CCDC60: variants seen among roughly 807,000 people sequenced by gnomAD.
The protein encoded by CCDC60 is coiled-coil domain containing 60.
CCDC60 carries 54 observed loss-of-function variants against 63.5 expected under a neutral mutation model. The observed-to-expected ratio is 0.85, with a 90% CI of 0.68 to 1.07. The LOEUF is 1.07. CCDC60 is among the 50% of genes least tolerant of loss of function. The pLI is 0.00. For synonymous variants in CCDC60, 206 were observed against 238.8 expected (o/e 0.86, Z 1.27); for missense variants, 651 against 684.3 (o/e 0.95, Z 0.54).
At chr12:119,448,382 T>C (rs900507081) in intron 2 of CCDC60, among the ~76,000 whole-genome samples, 1 of 152,186 alleles carries the variant, frequency 6.6e-6, no homozygotes, top group Non-Finnish European at 1.5e-5. Flanking sequence ...TAGTGTGACT[T>C]TGGGCAAGTG....
At chr12:119,524,716 C>CTTTT (rs1416953138) in intron 11 of CCDC60, among the ~76,000 whole-genome samples, 4,927 of 87,542 alleles carry the variant, frequency 0.056, 222 homozygotes, top group African/African-American at 0.068. Context: ...CTTTTCTTTT[C>CTTTT]TTTTCTTTTT....
At chr12:119,518,113 C>T (rs1952403371) in intron 8 of CCDC60, among the ~76,000 whole-genome samples, 1 of 152,130 alleles carries the variant, frequency 6.6e-6, no homozygotes, top group African/African-American at 2.4e-5. Flanking sequence ...CTGGCTGCTG[C>T]CTCAACTCTC....
intron 1 of CCDC60, among the ~76,000 whole-genome samples, chr12:119,352,126 A>G (rs971819244): frequency 2.6e-5 from 4 of 152,130 alleles, no homozygotes; most frequent in Non-Finnish European, 4.4e-5. Context: ...CCAGTAGGAG[A>G]GAGAGAAAGT....
At chr12:119,344,157 G>A (rs1030317841) in intron 1 of CCDC60, among the ~76,000 whole-genome samples, 1 of 152,158 alleles carries the variant, frequency 6.6e-6, no homozygotes, top group Admixed American at 6.6e-5. Context: ...GCATTGCAGG[G>A]TGTGAAGCAG....
At position 119,488,872 on chromosome 12, in the gene CCDC60, C is replaced by T; in HGVS notation, c.557+6C>T. On this transcript the variant is annotated splice_donor_region_variant and intron_variant, in intron 5 of 13. Coordinates refer to ENST00000327554, the MANE Select transcript of CCDC60 (RefSeq NM_178499.5). ...ATCACCTGCTGGAACCCAAAGTATG[C>T]CTCAGCCCTTCAACTTGTCTTAGAC... 1 of 1,608,468 alleles carries T rather than the reference C, an allele frequency of 6.2e-7. No homozygotes were observed. Among genetic ancestry groups the T allele is most frequent in the Non-Finnish European group, 8.5e-7 (1 of 1,174,790 alleles).
chr12:119,426,183 C>A (rs1956896454), intron 1 of CCDC60, among the ~76,000 whole-genome samples: 1 of 152,054 alleles, frequency 6.6e-6, no homozygotes. Context: ...CTGAAATGAG[C>A]AAGATAAAGT....
chr12:119,479,953 G>A (rs1593148134), intron 4 of CCDC60, among the ~76,000 whole-genome samples: 1 of 145,044 alleles, frequency 6.9e-6, no homozygotes, highest in African/African-American at 2.6e-5. Flanking sequence ...ATTACCAAAT[G>A]TCCCCTGGGA....
Position 119,540,778 on chromosome 12 carries a change from T to G in CCDC60, c.*63T>G. ...TGTTTGCCTATATCATGTTCCTGTA[T>G]CCTGCCTGTGTTCCTGCCTCCTGAC... On this transcript the variant is annotated 3_prime_UTR_variant, in exon 14 of 14. Transcript: ENST00000327554. 8.4e-7 allele frequency: 1 copy of G among 1,188,652 alleles called. No individual in the cohort carries two copies. The highest frequency in any genetic ancestry group is 1.5e-5 in the African/African-American group (1 of 66,714). The allele number at this position is 1,188,652 out of a possible 1,614,324, so 73.6% of individuals were successfully genotyped here. A position where few individuals can be genotyped will look rare whatever the true frequency, so the allele number is the denominator to read the frequency against.
chr12:119,412,211 T>C (rs1204220493), intron 1 of CCDC60, among the ~76,000 whole-genome samples: 1 of 152,098 alleles, frequency 6.6e-6, no homozygotes, highest in African/African-American at 2.4e-5. Flanking sequence ...CTCTCCTGAA[T>C]CTTGGCTCTT....
chr12:119,440,861 T>A (rs773327365), intron 2 of CCDC60, among the ~76,000 whole-genome samples: 6 of 152,186 alleles, frequency 3.9e-5, no homozygotes, highest in Non-Finnish European at 7.3e-5. Context: ...ATCTCCAAAG[T>A]GGAGAATGCA....
At chr12:119,432,470 A>C (rs1242606169) in intron 2 of CCDC60, among the ~76,000 whole-genome samples, 1 of 152,218 alleles carries the variant, frequency 6.6e-6, no homozygotes, top group Non-Finnish European at 1.5e-5. Context: ...CATCATGACC[A>C]TGTTAGTTCT....
At position 119,540,740 on chromosome 12, in the gene CCDC60, C is replaced by T; in HGVS notation, c.*25C>T. 6.6e-7 allele frequency: 1 copy of T among 1,504,608 alleles called. No individual in the cohort carries two copies. The highest frequency in any genetic ancestry group is 9.2e-7 in the Non-Finnish European group (1 of 1,082,712). 93.2% of individuals were successfully genotyped at this position (1,504,608 alleles called of 1,614,324 possible). On this transcript the variant is annotated 3_prime_UTR_variant, in exon 14 of 14. Coordinates refer to ENST00000327554, the MANE Select transcript of CCDC60 (RefSeq NM_178499.5). ...GGCTGGGCCTGGGTTGACCAGCTGTCTCAGTGGAGGAGTGTTTGCCTATAT... is the reference window on the plus strand; with the variant it reads ...GGCTGGGCCTGGGTTGACCAGCTGTTTCAGTGGAGGAGTGTTTGCCTATAT...
At position 119,482,803 on chromosome 12, in the gene CCDC60, C is replaced by T. The variant is rs150689870; in HGVS notation, c.449+3602C>T. Among the ~76,000 whole-genome samples the T allele has an allele frequency of 8.4e-4, 127 of 152,088 alleles. 1 individual carries two copies. Among genetic ancestry groups the T allele is most frequent in the African/African-American group, 2.9e-3 (122 of 41,486 alleles). On this transcript the variant is annotated intron_variant, in intron 4 of 13. Transcript: ENST00000327554. ...TTGGCTGGATGTGCTTATGTGTGTA[C>T]ACCCAGCTGATGGGTGAGCTGGAGG...
chr12:119,479,206 G>A lies in CCDC60; in HGVS notation c.449+5G>A. The A allele has an allele frequency of 6.2e-7, 1 of 1,603,788 alleles. No homozygotes were observed. On this transcript the variant is annotated splice_donor_5th_base_variant and intron_variant, in intron 4 of 13. Coordinates refer to ENST00000327554, the MANE Select transcript of CCDC60 (RefSeq NM_178499.5). ...CTCGCTAACCGAGGCTCACGTGTAA[G>A]TAGTCTCACCTCCAGCTCATTTGCT... is the stretch of plus-strand genomic sequence containing the variant.
Position 119,442,512 on chromosome 12 carries a change from G to A in CCDC60, c.170+13750G>A, listed in dbSNP as rs148556412. Among the ~76,000 whole-genome samples the A allele has an allele frequency of 5.9e-5, 9 of 152,214 alleles. No individual in the cohort carries two copies. In the East Asian group the frequency reaches 1.7e-3, roughly 29 times the overall value. On this transcript the variant is annotated intron_variant, in intron 2 of 13. Coordinates refer to ENST00000327554, the MANE Select transcript of CCDC60 (RefSeq NM_178499.5). Reference sequence around the variant, plus strand: ...TGCTCAGATCAATAATCATATCATAGCCAATCTGATTTCATTTATGCATTA... The same window carrying A: ...TGCTCAGATCAATAATCATATCATAACCAATCTGATTTCATTTATGCATTA...
chr12:119,486,171 A>G lies in CCDC60; in HGVS notation c.450-2588A>G, dbSNP rs139728977. Among the ~76,000 whole-genome samples the G allele has an allele frequency of 3.1e-3, 468 of 152,334 alleles. 2 individuals are homozygous for G. Among genetic ancestry groups the G allele is most frequent in the South Asian group, 8.7e-3 (42 of 4,826 alleles). The stretch of plus-strand genomic sequence containing the variant: ...TATTGCTAAATGCTGGACATGGCCT[A>G]TGTACCCAGACCTACCAAAATGCTG... On this transcript the variant is annotated intron_variant, in intron 4 of 13. Coordinates refer to ENST00000327554, the MANE Select transcript of CCDC60 (RefSeq NM_178499.5).
intron 2 of CCDC60, among the ~76,000 whole-genome samples, chr12:119,439,425 G>T (rs1006103898): frequency 3.9e-5 from 6 of 152,166 alleles, no homozygotes; most frequent in African/African-American, 1.4e-4. Flanking sequence ...CAGTGGGAGA[G>T]TCCAGATCAG....
chr12:119,528,060 C>A (rs1053238625), intron 11 of CCDC60, among the ~76,000 whole-genome samples: 2 of 151,924 alleles, frequency 1.3e-5, no homozygotes, highest in Non-Finnish European at 2.9e-5. Context: ...AATGTGGGGG[C>A]TGAATAATTT....
chr12:119,463,994 T>C (rs543512), intron 2 of CCDC60, among the ~76,000 whole-genome samples: 67,802 of 151,118 alleles, frequency 0.45, 15,707 homozygotes, highest in South Asian at 0.65. Flanking sequence ...TTTTTTCCTC[T>C]CTCCCTTCCT....
Sources: allele counts gnomAD v4.1 joint callset (sites outside exome capture counted in the v4.1 genomes callset), GRCh38; gene constraint gnomAD v4.1.1; transcripts MANE v1.5; gene names NCBI Gene and HGNC (gene_info 2026-07-23, HGNC 2026-07-21).